APLP2: variants seen among roughly 807,000 people sequenced by gnomAD.
The protein encoded by APLP2 is CDEI box-binding protein.
APLP2 carries 53 observed loss-of-function variants against 89.9 expected under a neutral mutation model. That is an observed-to-expected ratio of 0.59 (90% confidence interval 0.47 to 0.74). The LOEUF (loss-of-function observed/expected upper bound fraction) is 0.74. APLP2 is among the 30% of genes least tolerant of loss of function. The probability of loss-of-function intolerance (pLI) is 0.00; values close to 1 mark genes in which losing one functional copy is unlikely to be tolerated. For missense variants in APLP2, 973 were observed against 975.9 expected (o/e 1.00, Z 0.04); for synonymous variants, 372 against 348.6 (o/e 1.07, Z -0.75).
chr11:130,079,537 T>G, intron 1 of APLP2, among the ~76,000 whole-genome samples: 1 of 152,238 alleles, frequency 6.6e-6, no homozygotes, highest in East Asian at 1.9e-4. Flanking sequence ...AATGGCATCT[T>G]TAAGATTTTT....
intron 3 of APLP2, among the ~76,000 whole-genome samples, chr11:130,118,387 A>G (rs1949457401): frequency 6.6e-6 from 1 of 152,172 alleles, no homozygotes; most frequent in South Asian, 2.1e-4. Context: ...TTCTTGTTGT[A>G]TAGATTATGT....
intron 1 of APLP2, chr11:130,070,734 GA>G: frequency 6.9e-7 from 1 of 1,459,084 alleles, no homozygotes; most frequent in Non-Finnish European, 9.0e-7. Context: ...GTAGACCGAG[GA>G]AACCCGCTCT....
intron 1 of APLP2, among the ~76,000 whole-genome samples, chr11:130,087,417 ACATCTGGCAG>A (rs1364660576): frequency 6.6e-6 from 1 of 152,206 alleles, no homozygotes; most frequent in African/African-American, 2.4e-5. Flanking sequence ...AGAAATTAGA[ACATCTGGCAG>A]CAGGGGCTAA....
intron 1 of APLP2, among the ~76,000 whole-genome samples, chr11:130,076,848 T>C (rs1213465015): frequency 6.6e-6 from 1 of 152,170 alleles, no homozygotes; most frequent in East Asian, 1.9e-4. Context: ...TGTCACTGGA[T>C]AGAAGTGTAT....
At chr11:130,125,403 A>C (rs1452792800) in intron 7 of APLP2, among the ~76,000 whole-genome samples, 2 of 152,212 alleles carry the variant, frequency 1.3e-5, no homozygotes, top group African/African-American at 4.8e-5. Flanking sequence ...GCAGTGCTTG[A>C]AATTCTCCTC....
At chr11:130,127,269 A>G (rs957070433) in intron 8 of APLP2, among the ~76,000 whole-genome samples, 3 of 152,206 alleles carry the variant, frequency 2.0e-5, no homozygotes, top group Admixed American at 2.0e-4. Flanking sequence ...TCTGAGTCTC[A>G]GAGATGTTTC....
chr11:130,132,711 T>A (rs1489961332), intron 11 of APLP2, among the ~76,000 whole-genome samples: 3 of 152,174 alleles, frequency 2.0e-5, no homozygotes, highest in Non-Finnish European at 2.9e-5. Flanking sequence ...AAAATCAGGT[T>A]TATTTATACC....
chr11:130,072,497 T>TA (rs1941306581), intron 1 of APLP2, among the ~76,000 whole-genome samples: 1 of 108,772 alleles, frequency 9.2e-6, no homozygotes, highest in South Asian at 2.7e-4. Flanking sequence ...TTTTTTTTGA[T>TA]ACGGAGTCTC....
At chr11:130,072,276 C>T (rs1279513423) in intron 1 of APLP2, among the ~76,000 whole-genome samples, 2 of 152,146 alleles carry the variant, frequency 1.3e-5, no homozygotes, top group African/African-American at 4.8e-5. Context: ...AGAACCGGAA[C>T]TTGAGTTTGT....
At chr11:130,118,394 A>G (rs902042826) in intron 3 of APLP2, among the ~76,000 whole-genome samples, 7 of 152,204 alleles carry the variant, frequency 4.6e-5, no homozygotes, top group African/African-American at 1.7e-4. Context: ...TGTATAGATT[A>G]TGTCATTTAG....
Position 130,143,608 on chromosome 11 carries a change from A to G in APLP2, c.*160A>G. 3.4e-6 allele frequency: 2 copies of G among 596,116 alleles called. No homozygotes were observed. The highest frequency in any genetic ancestry group is 6.0e-6 in the Non-Finnish European group (2 of 334,178). 36.9% of individuals were successfully genotyped at this position (596,116 alleles called of 1,614,324 possible). A position where few individuals can be genotyped will look rare whatever the true frequency, so the allele number is the denominator to read the frequency against. ...TATAAAGTACTACTGTAGAACTGCAATTTCCATTCTTTTAAATGGGTGAAA... is the reference window on the plus strand; with the variant it reads ...TATAAAGTACTACTGTAGAACTGCAGTTTCCATTCTTTTAAATGGGTGAAA... On this transcript the variant is annotated 3_prime_UTR_variant, in exon 17 of 17. Coordinates refer to ENST00000338167, the MANE Select transcript of APLP2 (RefSeq NM_001142276.2).
intron 1 of APLP2, among the ~76,000 whole-genome samples, chr11:130,088,051 A>C (rs11819775): frequency 2.0e-5 from 3 of 152,114 alleles, no homozygotes; most frequent in Admixed American, 2.0e-4. Context: ...CAGTTTTTAC[A>C]TGTAGTTTTC....
In APLP2 at chr11:130,121,290, C is replaced by T. The variant is rs1038199875; in HGVS notation, c.517-324C>T. 5.3e-5 allele frequency among the ~76,000 whole-genome samples: 8 copies of T among 152,290 alleles called. No individual in the cohort carries two copies. The East Asian group carries it at 1.2e-3, about 22-fold the overall frequency. ...TGGTCAAATACTGAAGTAGTGCTTGCACCAGTGGTGAGTATCTATTAACAT... is the reference window on the plus strand; with the variant it reads ...TGGTCAAATACTGAAGTAGTGCTTGTACCAGTGGTGAGTATCTATTAACAT... On this transcript the variant is annotated intron_variant, in intron 4 of 16. Transcript: ENST00000338167.
At chr11:130,135,101 A>C (rs1951415261) in intron 12 of APLP2, among the ~76,000 whole-genome samples, 1 of 152,016 alleles carries the variant, frequency 6.6e-6, no homozygotes, top group Non-Finnish European at 1.5e-5. Context: ...CGTGGGGTGG[A>C]TACGTCTAGA....
At chr11:130,073,041 C>A (rs1185551377) in intron 1 of APLP2, among the ~76,000 whole-genome samples, 1 of 152,080 alleles carries the variant, frequency 6.6e-6, no homozygotes, top group Non-Finnish European at 1.5e-5. Flanking sequence ...AAACTTTTAA[C>A]TGAAATAATT....
At chr11:130,086,700 A>G (rs891471786) in intron 1 of APLP2, among the ~76,000 whole-genome samples, 1 of 152,098 alleles carries the variant, frequency 6.6e-6, no homozygotes, top group East Asian at 1.9e-4. Flanking sequence ...AGTTTTGTAT[A>G]TGGTTTAAGG....
chr11:130,115,132 A>G (rs1211084495), intron 3 of APLP2, among the ~76,000 whole-genome samples: 1 of 152,194 alleles, frequency 6.6e-6, no homozygotes, highest in Admixed American at 6.5e-5. Context: ...ACCTGGGTAC[A>G]GCTTTTACCA....
Position 130,101,354 on chromosome 11 carries a change from AT to A in APLP2, c.106-8062del, listed in dbSNP as rs60974114. The A allele has an allele frequency of 5.4e-3, 770 of 141,734 alleles. 2 individuals carry two copies. The highest frequency in any genetic ancestry group is 8.6e-3 in the Admixed American group (122 of 14,202). The allele number at this position is 141,734 out of a possible 1,614,324, so 8.8% of individuals were successfully genotyped here. A position where few individuals can be genotyped will look rare whatever the true frequency, so the allele number is the denominator to read the frequency against. ...CCACCGCGCCCAGCTAATTTTTTGTATTTTTTTTTTTTTAGTAGAGACAGGG... is the reference window on the plus strand; with the variant it reads ...CCACCGCGCCCAGCTAATTTTTTGTATTTTTTTTTTTTAGTAGAGACAGGG... On this transcript the variant is annotated intron_variant, in intron 1 of 16. Coordinates refer to ENST00000338167, the MANE Select transcript of APLP2 (RefSeq NM_001142276.2).
chr11:130,118,600 A>C lies in APLP2; in HGVS notation c.404-2106A>C, dbSNP rs115639833. On this transcript the variant is annotated intron_variant, in intron 3 of 16. Coordinates refer to ENST00000338167, the MANE Select transcript of APLP2 (RefSeq NM_001142276.2). ...AGTTAATTCAGAATAATCACATTAAACCATGTGAGTTGGTGGTTGGATGTC... is the reference window on the plus strand; with the variant it reads ...AGTTAATTCAGAATAATCACATTAACCCATGTGAGTTGGTGGTTGGATGTC... Among the ~76,000 whole-genome samples the C allele has an allele frequency of 4.1e-3, 619 of 152,336 alleles. 4 individuals carry two copies. Among genetic ancestry groups the C allele is most frequent in the African/African-American group, 0.014 (597 of 41,576 alleles).
Sources: gnomAD v4.1 joint callset for allele counts (sites outside exome capture counted in the v4.1 genomes callset) on GRCh38, gnomAD v4.1.1 for gene constraint, MANE v1.5 for transcripts, NCBI Gene and HGNC (gene_info 2026-07-23, HGNC 2026-07-21) for gene names.